The following LYRM4 variants were observed in gnomAD, a reference collection of about 807,000 sequenced individuals.
The protein encoded by LYRM4 is LYR motif-containing protein 4.
A neutral mutation model predicts 11.7 loss-of-function variants in LYRM4; 9 were observed. That is an observed-to-expected ratio of 0.77 (90% CI 0.46 to 1.34). LYRM4 has a LOEUF of 1.34. Ranked by LOEUF, LYRM4 falls within the 40% of genes most tolerant of loss-of-function variation. LYRM4 has a pLI of 0.00. For missense variants in LYRM4, 133 were observed against 112.5 expected (o/e 1.18, Z -0.82); for synonymous variants, 42 against 40.4 (o/e 1.04, Z -0.15).
chr6:5,209,743 G>A (rs898239037), intron 2 of LYRM4, among the ~76,000 whole-genome samples: 2 of 152,198 alleles, frequency 1.3e-5, no homozygotes, highest in African/African-American at 4.8e-5. Context: ...CAATGGAATT[G>A]TAAACGACAC....
chr6:5,247,762 C>A (rs1471491792), intron 1 of LYRM4, among the ~76,000 whole-genome samples: 1 of 152,060 alleles, frequency 6.6e-6, no homozygotes, highest in Non-Finnish European at 1.5e-5. Context: ...ATAGATGCAT[C>A]AGTGATGTCT....
chr6:5,141,697 T>C (rs1254312236), intron 2 of LYRM4, among the ~76,000 whole-genome samples: 1 of 152,144 alleles, frequency 6.6e-6, no homozygotes, highest in African/African-American at 2.4e-5. Flanking sequence ...AGGTCAGAGC[T>C]GGAAGGGATT....
chr6:5,093,680 C>G, the LYRM4 span, among the ~76,000 whole-genome samples: 1 of 152,200 alleles, frequency 6.6e-6, no homozygotes, highest in Non-Finnish European at 1.5e-5. Flanking sequence ...CAATTTGGCC[C>G]CATTCTCTGT....
At chr6:5,054,775 A>C in the LYRM4 span, among the ~76,000 whole-genome samples, 1 of 152,212 alleles carries the variant, frequency 6.6e-6, no homozygotes, top group Non-Finnish European at 1.5e-5. Context: ...TTAAGACTGA[A>C]AAAACAGACT....
chr6:5,136,741 C>T (rs1757121388), intron 2 of LYRM4: 15 of 985,310 alleles, frequency 1.5e-5, no homozygotes, highest in Non-Finnish European at 1.7e-5. Context: ...AGGAGCAGCG[C>T]CTGTAGGAAG....
the LYRM4 span, among the ~76,000 whole-genome samples, chr6:5,049,682 T>C: frequency 2.0e-5 from 3 of 151,908 alleles, no homozygotes; most frequent in East Asian, 3.9e-4. Context: ...ATTTTTTTTT[T>C]TTTTGGAGAC....
chr6:5,145,479 G>A (rs1231351699), intron 2 of LYRM4, among the ~76,000 whole-genome samples: 4 of 152,158 alleles, frequency 2.6e-5, no homozygotes, highest in African/African-American at 9.7e-5. Flanking sequence ...TGACTCCGGA[G>A]TCAACGCTCT....
At chr6:5,054,804 C>G in the LYRM4 span, among the ~76,000 whole-genome samples, 1 of 152,172 alleles carries the variant, frequency 6.6e-6, no homozygotes, top group Non-Finnish European at 1.5e-5. Flanking sequence ...CAATAACATA[C>G]CACATTCCAA....
chr6:5,153,190 C>T (rs966362662), intron 2 of LYRM4, among the ~76,000 whole-genome samples: 4 of 152,096 alleles, frequency 2.6e-5, no homozygotes, highest in Admixed American at 2.6e-4. Flanking sequence ...CTCCTGGGTT[C>T]CAGCAATTCT....
the LYRM4 span, among the ~76,000 whole-genome samples, chr6:5,061,202 T>C: frequency 1.6e-4 from 24 of 152,358 alleles, no homozygotes; most frequent in South Asian, 1.7e-3. Flanking sequence ...TCATTTCTTC[T>C]ATTTTTCTGA....
chr6:5,124,657 C>A (rs561109704), intron 2 of LYRM4, among the ~76,000 whole-genome samples: 2 of 152,154 alleles, frequency 1.3e-5, no homozygotes, highest in African/African-American at 2.4e-5. Context: ...CAACAGTGGG[C>A]GGCAGACTTC....
intron 2 of LYRM4, among the ~76,000 whole-genome samples, chr6:5,114,028 G>C (rs1225517548): frequency 2.6e-5 from 4 of 152,196 alleles, no homozygotes; most frequent in Admixed American, 6.5e-5. Flanking sequence ...ACACTCTCCA[G>C]ACTCCTGTGC....
At chr6:5,149,763 G>A (rs1014537627) in intron 2 of LYRM4, among the ~76,000 whole-genome samples, 25 of 152,074 alleles carry the variant, frequency 1.6e-4, no homozygotes, top group African/African-American at 5.6e-4. Flanking sequence ...ATTTAGATAC[G>A]TAAACATCAG....
intron 2 of LYRM4, among the ~76,000 whole-genome samples, chr6:5,145,686 CT>C (rs1757682246): frequency 6.6e-6 from 1 of 152,174 alleles, no homozygotes; most frequent in Non-Finnish European, 1.5e-5. Context: ...ATCCTCATGC[CT>C]ATTAATATGA....
intron 2 of LYRM4, among the ~76,000 whole-genome samples, chr6:5,120,122 C>T (rs148095535): frequency 0.012 from 1,801 of 152,196 alleles, 20 homozygotes; most frequent in Middle Eastern, 0.027. Context: ...GTCATCATCT[C>T]CTGACCTCGG....
intron 2 of LYRM4, among the ~76,000 whole-genome samples, chr6:5,187,161 C>T (rs1760453301): frequency 6.6e-6 from 1 of 152,080 alleles, no homozygotes; most frequent in South Asian, 2.1e-4. Flanking sequence ...CTAACAGAGG[C>T]GATACTACCT....
chr6:5,099,920 A>G (rs1025964819), downstream of LYRM4, among the ~76,000 whole-genome samples: 1 of 152,160 alleles, frequency 6.6e-6, no homozygotes, highest in African/African-American at 2.4e-5. The surrounding 1 kb of genome is among the most constrained non-coding windows in gnomAD (Gnocchi z 4.3). Flanking sequence ...TCTGCACTTG[A>G]TCCACAGGAA....
intron 2 of LYRM4, among the ~76,000 whole-genome samples, chr6:5,180,692 G>A (rs1581448939): frequency 2.6e-5 from 4 of 152,192 alleles, no homozygotes; most frequent in Admixed American, 2.6e-4. Flanking sequence ...TGCTCTGCCA[G>A]CGTGGACCTG....
the LYRM4 span, among the ~76,000 whole-genome samples, chr6:5,044,276 G>A: frequency 4.0e-4 from 61 of 152,174 alleles, no homozygotes; most frequent in African/African-American, 1.2e-3. Context: ...GATTACAGGC[G>A]CACACCACCA....
Sources: gnomAD v4.1 joint callset for allele counts (sites outside exome capture counted in the v4.1 genomes callset) on GRCh38, gnomAD v4.1.1 for gene constraint, Gnocchi (gnomAD v3.1) non-coding constraint, MANE v1.5 for transcripts, NCBI Gene and HGNC (gene_info 2026-07-23, HGNC 2026-07-21) for gene names.